Variants in ROBO1 observed in about 807,000 individuals in gnomAD.
The protein encoded by ROBO1 is roundabout homolog 1.
Under a neutral mutation model 195.9 loss-of-function variants are expected in ROBO1, and 149 were observed. That is an observed-to-expected ratio of 0.76 (90% CI 0.67 to 0.87). The LOEUF is 0.87. Among genes scored for constraint, ROBO1 ranks in the 40% least tolerant of loss-of-function variants. ROBO1 has a pLI of 0.00. For synonymous variants in ROBO1, 816 were observed against 733.2 expected (o/e 1.11, Z -1.82); for missense variants, 1,933 against 2,068.3 (o/e 0.93, Z 1.27).
At chr3:79,376,716 C>T (rs548902498) in intron 2 of ROBO1, among the ~76,000 whole-genome samples, 1 of 152,278 alleles carries the variant, frequency 6.6e-6, no homozygotes, top group African/African-American at 2.4e-5. Context: ...AACCCTCTTT[C>T]CTTTATAAGT....
At chr3:79,676,107 T>A (rs910619032) in intron 1 of ROBO1, among the ~76,000 whole-genome samples, 7 of 152,004 alleles carry the variant, frequency 4.6e-5, no homozygotes, top group Non-Finnish European at 7.4e-5. Context: ...ACGAACCTTG[T>A]GACTGGGGAG....
At chr3:79,542,976 CTT>C (rs980548390) in intron 2 of ROBO1, among the ~76,000 whole-genome samples, 1 of 151,966 alleles carries the variant, frequency 6.6e-6, no homozygotes. Flanking sequence ...AAATATAACA[CTT>C]CATAATGATT....
intron 4 of ROBO1, among the ~76,000 whole-genome samples, chr3:78,882,448 A>G (rs1275906666): frequency 6.6e-6 from 1 of 152,154 alleles, no homozygotes; most frequent in Non-Finnish European, 1.5e-5. Context: ...TTCCGTTCTC[A>G]TCTTCGAGAT....
rs144758106 is a variant in ROBO1, at chr3:79,394,679, T to C, written c.88+195145A>G. Among the ~76,000 whole-genome samples, 525 of 152,256 alleles carry C rather than the reference T, an allele frequency of 3.4e-3. 2 individuals carry two copies. Among genetic ancestry groups the C allele is most frequent in the African/African-American group, 0.012 (502 of 41,568 alleles). On this transcript the variant is annotated intron_variant, in intron 2 of 30. Transcript: ENST00000464233. ...AGAACACAATTTAATAATCTAAATA[T>C]AGATTCTTCTTAATAGAGTGAATGA...
chr3:79,303,234 G>A (rs550712246), intron 2 of ROBO1, among the ~76,000 whole-genome samples: 12 of 140,786 alleles, frequency 8.5e-5, no homozygotes, highest in African/African-American at 3.2e-4. Context: ...TGGCGCCATC[G>A]TGGCTAACTG....
intron 8 of ROBO1, among the ~76,000 whole-genome samples, chr3:78,707,146 A>T (rs1312469905): frequency 6.6e-6 from 1 of 152,206 alleles, no homozygotes; most frequent in Non-Finnish European, 1.5e-5. Context: ...GGGGTCAATC[A>T]TAAACTGCGG....
At chr3:79,384,654 C>T (rs1251949633) in intron 2 of ROBO1, among the ~76,000 whole-genome samples, 1 of 151,882 alleles carries the variant, frequency 6.6e-6, no homozygotes, top group Non-Finnish European at 1.5e-5. Context: ...AATGTTTACT[C>T]GCTTAATCTC....
At position 78,705,905 on chromosome 3, in the gene ROBO1, C is replaced by T. The variant is rs557802464; in HGVS notation, c.1045+8492G>A. 2.1e-3 allele frequency among the ~76,000 whole-genome samples: 327 copies of T among 152,118 alleles called. 1 individual carries two copies. Among genetic ancestry groups the T allele is most frequent in the African/African-American group, 7.3e-3 (302 of 41,496 alleles). On this transcript the variant is annotated intron_variant, in intron 8 of 30. Coordinates refer to ENST00000464233, the MANE Select transcript of ROBO1 (RefSeq NM_002941.4). ...TGGCAGATGGTGGGAATTCTTGACC[C>T]CCCCATACCAATACTTATAATAAAT...
At chr3:79,353,400 AACACACACACACAC>A (rs10608740) in intron 2 of ROBO1, among the ~76,000 whole-genome samples, 7 of 148,116 alleles carry the variant, frequency 4.7e-5, no homozygotes, top group Non-Finnish European at 1.0e-4. Context: ...CACAGAAACA[AACACACACACACAC>A]ACACACACAC....
chr3:79,502,893 A>C (rs984984094), intron 2 of ROBO1, among the ~76,000 whole-genome samples: 2 of 152,224 alleles, frequency 1.3e-5, no homozygotes, highest in Admixed American at 6.5e-5. Flanking sequence ...CAGGGATTGT[A>C]AATGCACCAA....
chr3:79,766,240 T>C (rs1412203659), intron 1 of ROBO1, among the ~76,000 whole-genome samples: 2 of 151,992 alleles, frequency 1.3e-5, no homozygotes, highest in African/African-American at 4.8e-5. Context: ...CCATTGACCA[T>C]AATTGCCCTA....
At chr3:79,183,745 G>A (rs1296074555) in intron 2 of ROBO1, among the ~76,000 whole-genome samples, 2 of 152,176 alleles carry the variant, frequency 1.3e-5, no homozygotes, top group South Asian at 4.1e-4. Context: ...GGGCTATCCA[G>A]GAACAGAAAG....
At chr3:79,173,487 G>T (rs889784361) in intron 2 of ROBO1, among the ~76,000 whole-genome samples, 15 of 152,106 alleles carry the variant, frequency 9.9e-5, no homozygotes, top group Non-Finnish European at 2.1e-4. Flanking sequence ...CAGGCCAGTG[G>T]CTGCAGAGGG....
chr3:79,145,854 T>C (rs114621692), intron 2 of ROBO1, among the ~76,000 whole-genome samples: 3,539 of 152,064 alleles, frequency 0.023, 142 homozygotes, highest in African/African-American at 0.079. Flanking sequence ...AAAATGATCA[T>C]CTTTACAGTG....
chr3:79,664,699 G>A (rs1576198757), intron 1 of ROBO1, among the ~76,000 whole-genome samples: 1 of 151,888 alleles, frequency 6.6e-6, no homozygotes, highest in Non-Finnish European at 1.5e-5. Context: ...ATTCATTTAC[G>A]GTGCTTGTTA....
chr3:78,646,428 C>T (rs916417909), intron 20 of ROBO1, among the ~76,000 whole-genome samples: 2 of 150,108 alleles, frequency 1.3e-5, no homozygotes, highest in African/African-American at 4.9e-5. Flanking sequence ...ATCTATATAT[C>T]ACTCTTATTT....
chr3:79,208,686 C>CGTGTGTGTGT (rs1559736208), intron 2 of ROBO1, among the ~76,000 whole-genome samples: 6 of 79,950 alleles, frequency 7.5e-5, no homozygotes, highest in African/African-American at 3.3e-4. Flanking sequence ...GGTGGTGGGG[C>CGTGTGTGTGT]ATGTGTGTGT....
chr3:78,657,950 GA>G (rs1707141417), intron 17 of ROBO1, among the ~76,000 whole-genome samples: 2 of 152,208 alleles, frequency 1.3e-5, no homozygotes, highest in African/African-American at 4.8e-5. Flanking sequence ...TATTATCAAT[GA>G]GAGACAATTT....
chr3:78,632,613 C>T (rs1705249868), intron 24 of ROBO1, among the ~76,000 whole-genome samples: 1 of 152,126 alleles, frequency 6.6e-6, no homozygotes, highest in South Asian at 2.1e-4. Flanking sequence ...TCCCTAATTA[C>T]CATCACGCAT....
Sources: allele counts gnomAD v4.1 joint callset (sites outside exome capture counted in the v4.1 genomes callset), GRCh38; gene constraint gnomAD v4.1.1; transcripts MANE v1.5; gene names NCBI Gene and HGNC (gene_info 2026-07-23, HGNC 2026-07-21).